Variants in CCDC92B observed in about 807,000 individuals in gnomAD.
The protein encoded by CCDC92B is coiled-coil domain-containing 92B.
CCDC92B carries 2 observed loss-of-function variants against 5.6 expected under a neutral mutation model. The observed-to-expected ratio is 0.36, with a 90% CI of 0.15 to 1.12. CCDC92B has a LOEUF of 1.12. CCDC92B is among the 50% of genes most tolerant of loss of function. CCDC92B has a pLI of 0.40. For synonymous variants in CCDC92B, 115 were observed against 122.3 expected (o/e 0.94, Z 0.39); for missense variants, 271 against 262.2 (o/e 1.03, Z -0.23).
At chr17:2,739,176 G>A (rs948294174) in intron 1 of CCDC92B, among the ~76,000 whole-genome samples, 5 of 151,184 alleles carry the variant, frequency 3.3e-5, no homozygotes, top group Admixed American at 6.6e-5. Flanking sequence ...GACCATCCTG[G>A]CTAACATGGT....
At chr17:2,739,182 A>AC (rs2070894337) in intron 1 of CCDC92B, among the ~76,000 whole-genome samples, 1 of 150,944 alleles carries the variant, frequency 6.6e-6, no homozygotes, top group Admixed American at 6.6e-5. Context: ...CCTGGCTAAC[A>AC]TGGTAGAACC....
At chr17:2,730,413 A>G (rs2070778482) in intron 3 of CCDC92B, 33 bp downstream of exon 3, 3 of 984,092 alleles carry the variant, frequency 3.0e-6, no homozygotes, top group African/African-American at 1.7e-5. Context: ...GTTGGGCCCC[A>G]TGACGCTTCC....
At position 2,738,692 on chromosome 17, in the gene CCDC92B, G is replaced by A. The variant is rs1285630290; in HGVS notation, c.-23-3524C>T. ...AGGAGAATGGCTGAACCCGGGAGGC[G>A]GAGCTTGCAGTGAGCTGAGATCGCG... On this transcript the variant is annotated intron_variant, in intron 1 of 3. Transcript: ENST00000614400. 4.6e-5 allele frequency among the ~76,000 whole-genome samples: 7 copies of A among 151,192 alleles called. No homozygotes were observed. The East Asian group carries it at 9.8e-4, about 21-fold the overall frequency.
chr17:2,743,507 A>G (rs1008645902), intron 1 of CCDC92B, among the ~76,000 whole-genome samples: 1 of 152,214 alleles, frequency 6.6e-6, no homozygotes, highest in Non-Finnish European at 1.5e-5. Context: ...GTGGCTTTCC[A>G]TCACATTTAA....
rs546073422 is a variant in CCDC92B, at chr17:2,727,748, T to C, written c.178+2698A>G. Reference sequence around the variant, plus strand: ...CTGAAGTAGGAGAATTGCTTGACCCTGGGAGGCGGAGGTTGCAGTGAGCTG... The same window carrying C: ...CTGAAGTAGGAGAATTGCTTGACCCCGGGAGGCGGAGGTTGCAGTGAGCTG... On this transcript the variant is annotated intron_variant, in intron 3 of 3. Transcript: ENST00000614400. Among the ~76,000 whole-genome samples, 362 of 148,716 alleles carry C rather than the reference T, an allele frequency of 2.4e-3. 1 individual carries two copies. Among genetic ancestry groups the C allele is most frequent in the African/African-American group, 7.7e-3 (309 of 40,316 alleles).
chr17:2,733,744 C>CTTTTT (rs386385447), intron 2 of CCDC92B, among the ~76,000 whole-genome samples: 829 of 49,282 alleles, frequency 0.017, 154 homozygotes, highest in African/African-American at 0.06. Context: ...GGACCACTGG[C>CTTTTT]TTTTTTTTTT....
chr17:2,725,052 A>G lies in CCDC92B; in HGVS notation c.179-52T>C, dbSNP rs577529942. ...ACGGTCTCCCCCTGGCTTGGAACAGAACCTGCACGGCTCAGAGCTCCGTGT... is the reference window on the plus strand; with the variant it reads ...ACGGTCTCCCCCTGGCTTGGAACAGGACCTGCACGGCTCAGAGCTCCGTGT... On this transcript the variant is annotated intron_variant, in intron 3 of 3. Transcript: ENST00000614400. 2.6e-5 allele frequency: 26 copies of G among 984,072 alleles called. No individual in the cohort carries two copies. The African/African-American group carries it at 4.6e-4, about 17-fold the overall frequency. 61.0% of individuals were successfully genotyped at this position (984,072 alleles called of 1,614,324 possible).
intron 1 of CCDC92B, among the ~76,000 whole-genome samples, chr17:2,737,918 C>T (rs1166130535): frequency 6.6e-6 from 1 of 151,992 alleles, no homozygotes; most frequent in South Asian, 2.1e-4. Flanking sequence ...GCGGGTATTA[C>T]CACCCCACCC....
intron 3 of CCDC92B, among the ~76,000 whole-genome samples, chr17:2,726,518 T>C (rs938915140): frequency 1.3e-4 from 19 of 151,532 alleles, no homozygotes; most frequent in African/African-American, 3.6e-4. Context: ...GGTTTCACCA[T>C]GTTGGCCAGA....
Position 2,723,962 on chromosome 17 carries a change from C to G in CCDC92B, c.*449G>C, listed in dbSNP as rs1195104552. 3 of 756,144 alleles carry G rather than the reference C, an allele frequency of 4.0e-6. No individual in the cohort carries two copies. The African/African-American group carries it at 1.4e-4, about 35-fold the overall frequency. 46.8% of individuals were successfully genotyped at this position (756,144 alleles called of 1,614,324 possible). A position where few individuals can be genotyped will look rare whatever the true frequency, so the allele number is the denominator to read the frequency against. On this transcript the variant is annotated 3_prime_UTR_variant, in exon 4 of 4. Transcript: ENST00000614400. ...GAAGGCTTGGCGGGAAGGGCGTCGG[C>G]GCGGGGGTGGGGGAGGCGGGGGGTG... is the stretch of plus-strand genomic sequence containing the variant.
chr17:2,727,627 C>T (rs1209989828), intron 3 of CCDC92B, among the ~76,000 whole-genome samples: 2 of 151,882 alleles, frequency 1.3e-5, no homozygotes, highest in African/African-American at 4.8e-5. Flanking sequence ...AGTTCGAGAC[C>T]AGCCTGGCCA....
rs2070701286 is a variant in CCDC92B, at chr17:2,724,560, T to TG, written c.618dup (p.Met207HisfsTer149). 1 of 978,576 alleles carries TG rather than the reference T, an allele frequency of 1.0e-6. No homozygotes were observed. Among genetic ancestry groups the TG allele is most frequent in the Admixed American group, 6.3e-5 (1 of 15,938 alleles). The allele number at this position is 978,576 out of a possible 1,614,324, so 60.6% of individuals were successfully genotyped here. A position where few individuals can be genotyped will look rare whatever the true frequency, so the allele number is the denominator to read the frequency against. On this transcript the variant is annotated frameshift_variant, in exon 4 of 4. Coordinates refer to ENST00000614400, the MANE Select transcript of CCDC92B (RefSeq NM_001355573.2). LOFTEE classifies it low-confidence loss of function (END_TRUNC). The surrounding 1 kb of genome is among the most constrained non-coding windows in gnomAD (Gnocchi z 5.0). ...TAGAGGAAGAGCGCGGGGTCGGGCATGGGGTCGGCGTCGTCGAGGGCGCCG... is the reference window on the plus strand; with the variant it reads ...TAGAGGAAGAGCGCGGGGTCGGGCATGGGGGTCGGCGTCGTCGAGGGCGCCG...
In CCDC92B at chr17:2,724,087, G is replaced by A. The variant is rs955190080; in HGVS notation, c.*324C>T. On this transcript the variant is annotated 3_prime_UTR_variant, in exon 4 of 4. Transcript: ENST00000614400. The surrounding 1 kb of genome is among the most constrained non-coding windows in gnomAD (Gnocchi z 5.0). Reference sequence around the variant, plus strand: ...ACCAAGGATTGTCGGCTTTCCCGGGGAAGGGCGTGGCCCCCGCCCCTCCTG... The same window carrying A: ...ACCAAGGATTGTCGGCTTTCCCGGGAAAGGGCGTGGCCCCCGCCCCTCCTG... The A allele has an allele frequency of 7.1e-6, 7 of 985,472 alleles. No individual in the cohort carries two copies. In the African/African-American group the frequency reaches 1.2e-4, roughly 17 times the overall value. The allele number at this position is 985,472 out of a possible 1,614,324, so 61.0% of individuals were successfully genotyped here.
In CCDC92B at chr17:2,721,698, G is replaced by A. The variant is rs2151734615; in HGVS notation, c.*2713C>T. The A allele has an allele frequency of 6.6e-6, 1 of 152,366 alleles. No individual in the cohort carries two copies. The highest frequency in any genetic ancestry group is 1.9e-4 in the East Asian group (1 of 5,176). The allele number at this position is 152,366 out of a possible 1,614,324, so 9.4% of individuals were successfully genotyped here. A position where few individuals can be genotyped will look rare whatever the true frequency, so the allele number is the denominator to read the frequency against. On this transcript the variant is annotated 3_prime_UTR_variant, in exon 4 of 4. Coordinates refer to ENST00000614400, the MANE Select transcript of CCDC92B (RefSeq NM_001355573.2). ...AACTGGAACCCTGTATCTGCTACAG[G>A]TGCTCCCCCAGCTTGCCTTATTTCC...
intron 3 of CCDC92B, among the ~76,000 whole-genome samples, chr17:2,727,970 T>C (rs1440248511): frequency 1.3e-5 from 2 of 152,040 alleles, no homozygotes; most frequent in Non-Finnish European, 2.9e-5. Flanking sequence ...ATTCTGCTAC[T>C]GCACACTACA....
At position 2,723,964 on chromosome 17, in the gene CCDC92B, CG is replaced by C. The variant is rs2070690213; in HGVS notation, c.*446del. ...AGGCTTGGCGGGAAGGGCGTCGGCG[CG>C]GGGGTGGGGGAGGCGGGGGGTGGGG... On this transcript the variant is annotated 3_prime_UTR_variant, in exon 4 of 4. Coordinates refer to ENST00000614400, the MANE Select transcript of CCDC92B (RefSeq NM_001355573.2). The C allele has an allele frequency of 2.9e-5, 19 of 646,564 alleles. No homozygotes were observed. Among genetic ancestry groups the C allele is most frequent in the Non-Finnish European group, 3.2e-5 (19 of 590,204 alleles). The allele number at this position is 646,564 out of a possible 1,614,324, so 40.1% of individuals were successfully genotyped here.
Position 2,724,895 on chromosome 17 carries a change from T to C in CCDC92B, c.284A>G (p.Glu95Gly). ...GCAGCGCAGCGCGGACACCAGCGCC[T>C]CGCGCTGCGCCACCTCCCGCCGCAG... is the stretch of plus-strand genomic sequence containing the variant. ...AELRREVAQR[E>G]ALVSALRCSL... Residue 95 changes from glutamate to glycine, a missense_variant, in exon 4 of 4, where the codon GAG (glutamate) becomes GGG (glycine). Coordinates refer to ENST00000614400, the MANE Select transcript of CCDC92B (RefSeq NM_001355573.2). This position sits in a 1 kb window ranked among gnomAD's most constrained non-coding sequence, Gnocchi z 5.0. The C allele has an allele frequency of 8.1e-6, 8 of 985,074 alleles. No homozygotes were observed. Among genetic ancestry groups the C allele is most frequent in the Non-Finnish European group, 9.6e-6 (8 of 829,796 alleles). 61.0% of individuals were successfully genotyped at this position (985,074 alleles called of 1,614,324 possible).
chr17:2,728,146 C>T (rs1024674477), intron 3 of CCDC92B, among the ~76,000 whole-genome samples: 42 of 147,564 alleles, frequency 2.8e-4, no homozygotes, highest in African/African-American at 8.1e-4. Context: ...GGTGACATGG[C>T]GAAACCCCTC....
chr17:2,736,371 G>A (rs1485307444), intron 1 of CCDC92B, among the ~76,000 whole-genome samples: 1 of 152,064 alleles, frequency 6.6e-6, no homozygotes, highest in Non-Finnish European at 1.5e-5. Context: ...AGGTTGCAGT[G>A]AACTGAGACC....
Sources: allele counts gnomAD v4.1 joint callset (sites outside exome capture counted in the v4.1 genomes callset), GRCh38; gene constraint gnomAD v4.1.1; non-coding constraint Gnocchi (gnomAD v3.1); transcripts MANE v1.5; gene names NCBI Gene and HGNC (gene_info 2026-07-23, HGNC 2026-07-21).